Variants in ATXN3 observed in about 807,000 individuals in gnomAD.
The protein encoded by ATXN3 is ataxin-3.
Under a neutral mutation model 58.2 loss-of-function variants are expected in ATXN3, and 28 were observed. That is an observed-to-expected ratio of 0.48 (90% CI 0.36 to 0.66). The LOEUF is 0.66. Ranked by LOEUF, ATXN3 falls within the 30% of genes least tolerant of loss-of-function variation. ATXN3 has a pLI of 0.00. For missense variants in ATXN3, 321 were observed against 422.1 expected (o/e 0.76, Z 2.10); for synonymous variants, 113 against 138.5 (o/e 0.82, Z 1.29).
At chr14:92,070,832 T>G (rs1461637927) in intron 10 of ATXN3, 103 bp downstream of exon 10, 3 of 1,604,654 alleles carry the variant, frequency 1.9e-6, no homozygotes, top group Non-Finnish European at 2.6e-6. Context: ...TTAATATGAT[T>G]AAAGAGGGAA....
chr14:92,056,612 G>T (rs1233477585), downstream of ATXN3, among the ~76,000 whole-genome samples: 1 of 152,144 alleles, frequency 6.6e-6, no homozygotes, highest in African/African-American at 2.4e-5. Context: ...AAGGGAGGAA[G>T]GATAGGGAGC....
rs1465161243 is a variant in ATXN3, at chr14:92,060,665, ATC to A, written c.*3653_*3654del. The stretch of plus-strand genomic sequence containing the variant: ...TTATCATATTTTGATTATGCACTGA[ATC>A]TATTTTTTATCTGTACAGGTCCAAT... On this transcript the variant is annotated 3_prime_UTR_variant, in exon 11 of 11. Transcript: ENST00000644486. The A allele has an allele frequency of 6.6e-6, 1 of 151,840 alleles. No individual in the cohort carries two copies. The highest frequency in any genetic ancestry group is 2.4e-5 in the African/African-American group (1 of 41,308). 9.4% of individuals were successfully genotyped at this position (151,840 alleles called of 1,614,324 possible). A position where few individuals can be genotyped will look rare whatever the true frequency, so the allele number is the denominator to read the frequency against.
chr14:92,084,644 T>C (rs1276975661), intron 6 of ATXN3, among the ~76,000 whole-genome samples: 1 of 151,932 alleles, frequency 6.6e-6, no homozygotes, highest in Non-Finnish European at 1.5e-5. Context: ...TGGTGCAATA[T>C]TAGCTCACTG....
downstream of ATXN3, among the ~76,000 whole-genome samples, chr14:92,057,411 TAAAC>T (rs1208403464): frequency 1.7e-5 from 2 of 115,616 alleles, no homozygotes; most frequent in South Asian, 3.5e-4. Context: ...AGCTCTGTCT[TAAAC>T]AACAACAACA....
upstream of ATXN3, among the ~76,000 whole-genome samples, chr14:92,053,405 C>T (rs117979171): frequency 0.019 from 2,841 of 151,646 alleles, 48 homozygotes; most frequent in Non-Finnish European, 0.03. Flanking sequence ...GTAATGTAAA[C>T]GGAAGTAGTA....
chr14:92,097,806 A>C (rs55783917), intron 1 of ATXN3, among the ~76,000 whole-genome samples: 1 of 151,944 alleles, frequency 6.6e-6, no homozygotes, highest in African/African-American at 2.4e-5. Context: ...ATTACAGGCA[A>C]GAGCCACCCT....
intron 9 of ATXN3, among the ~76,000 whole-genome samples, chr14:92,078,357 A>ATTATTAAT (rs2060816498): frequency 6.7e-6 from 1 of 150,114 alleles, no homozygotes; most frequent in Non-Finnish European, 1.5e-5. Context: ...GTTATTTTTT[A>ATTATTAAT]TTATTTATTT....
chr14:92,099,774 G>A (rs573067835), intron 1 of ATXN3, among the ~76,000 whole-genome samples: 1 of 152,124 alleles, frequency 6.6e-6, no homozygotes, highest in East Asian at 1.9e-4. Flanking sequence ...GGCTGAGAAA[G>A]GAGGATAACT....
intron 9 of ATXN3, among the ~76,000 whole-genome samples, chr14:92,076,419 G>C (rs1245449297): frequency 7.3e-6 from 1 of 136,362 alleles, no homozygotes; most frequent in Non-Finnish European, 1.5e-5. Flanking sequence ...CTGCACTCCA[G>C]ACTGGGTGAC....
upstream of ATXN3, among the ~76,000 whole-genome samples, chr14:92,050,024 A>G (rs2057442644): frequency 2.0e-5 from 3 of 152,170 alleles, no homozygotes; most frequent in Admixed American, 6.5e-5. Context: ...AAAGTTTCTC[A>G]TGGGGGATTT....
chr14:92,106,408 G>T, intron 1 of ATXN3, 121 bp downstream of exon 1: 1 of 1,322,848 alleles, frequency 7.6e-7, no homozygotes, highest in Non-Finnish European at 1.1e-6. Flanking sequence ...GTCGCCCCTC[G>T]CCGGGCGAGA....
rs11416778 is a variant in ATXN3, at chr14:92,072,755, T to TAA, written c.873-1704_873-1703dup. Among the ~76,000 whole-genome samples the TAA allele has an allele frequency of 7.0e-5, 10 of 143,816 alleles. No homozygotes were observed. In the South Asian group the frequency reaches 8.7e-4, roughly 13 times the overall value. 94.3% of individuals were successfully genotyped at this position (143,816 alleles called of 152,430 possible). A position where few individuals can be genotyped will look rare whatever the true frequency, so the allele number is the denominator to read the frequency against. On this transcript the variant is annotated intron_variant, in intron 9 of 10. Coordinates refer to ENST00000644486, the MANE Select transcript of ATXN3 (RefSeq NM_004993.6). ...GGTCTTTTGGCTAAGATCAAGTGTTTAAAAAAAAAAGGTATATAAGAATTT... is the reference window on the plus strand; with the variant it reads ...GGTCTTTTGGCTAAGATCAAGTGTTTAAAAAAAAAAAAGGTATATAAGAATTT...
chr14:92,055,939 T>TGACA (rs2057463408), downstream of ATXN3, among the ~76,000 whole-genome samples: 1 of 152,080 alleles, frequency 6.6e-6, no homozygotes, highest in Non-Finnish European at 1.5e-5. The surrounding 1 kb of genome is among the most constrained non-coding windows in gnomAD (Gnocchi z 4.5). Flanking sequence ...CCAGCTTAGG[T>TGACA]GACAGAACGA....
At chr14:92,053,685 G>A (rs1250264246), downstream of ATXN3, among the ~76,000 whole-genome samples, 1 of 151,916 alleles carries the variant, frequency 6.6e-6, no homozygotes, top group Non-Finnish European at 1.5e-5. Context: ...TTCTTGTAGA[G>A]ATGAGGTCTC....
chr14:92,070,669 TA>T (rs1325338291), intron 10 of ATXN3: 1 of 876,900 alleles, frequency 1.1e-6, no homozygotes, highest in Non-Finnish European at 1.7e-6. Flanking sequence ...AAGTATTCAT[TA>T]AATGTTCTAG....
chr14:92,082,588 G>T, intron 7 of ATXN3, 122 bp from the exon 8 acceptor site: 2 of 925,720 alleles, frequency 2.2e-6, no homozygotes, highest in Non-Finnish European at 1.6e-6. Flanking sequence ...TGGCAAATAA[G>T]CTCTAGTAAT....
chr14:92,071,622 T>C, intron 9 of ATXN3: 1 of 267,700 alleles, frequency 3.7e-6, no homozygotes, highest in Non-Finnish European at 7.4e-6. Flanking sequence ...AAAAAACCTA[T>C]CATACAAAAA....
chr14:92,091,887 G>A (rs547536133), intron 5 of ATXN3, among the ~76,000 whole-genome samples: 18 of 151,458 alleles, frequency 1.2e-4, no homozygotes, highest in African/African-American at 3.4e-4. Flanking sequence ...TAGAGATGGG[G>A]TCTTGTGCCA....
downstream of ATXN3, among the ~76,000 whole-genome samples, chr14:92,056,867 A>G (rs550560849): frequency 3.7e-4 from 57 of 152,336 alleles, no homozygotes; most frequent in Non-Finnish European, 7.1e-4. Context: ...GCATTCCCAG[A>G]TGGTTAAGGC....
Sources: gnomAD v4.1 joint callset for allele counts (sites outside exome capture counted in the v4.1 genomes callset) on GRCh38, gnomAD v4.1.1 for gene constraint, Gnocchi (gnomAD v3.1) non-coding constraint, MANE v1.5 for transcripts, NCBI Gene and HGNC (gene_info 2026-07-23, HGNC 2026-07-21) for gene names.